The following RANBP2 variants were observed in gnomAD, a reference collection of about 807,000 sequenced individuals.
RANBP2 encodes the protein E3 SUMO-protein ligase RanBP2.
A neutral mutation model predicts 303.6 loss-of-function variants in RANBP2; 57 were observed. The ratio of observed to expected loss-of-function variants is 0.19; its 90% CI spans 0.15 to 0.23. The LOEUF (loss-of-function observed/expected upper bound fraction) is 0.23, where lower values mean the gene tolerates loss of function less well. Ranked by LOEUF, RANBP2 falls within the 10% of genes least tolerant of loss-of-function variation. The pLI is 1.00. For missense variants in RANBP2, 3,138 were observed against 3,780.8 expected (o/e 0.83, Z 4.46); for synonymous variants, 1,167 against 1,301.5 (o/e 0.90, Z 2.23).
At chr2:109,452,960 TGGGAGGCTGGTCCCTGGGAGGCTATTCCC>T in the RANBP2 span, among the ~76,000 whole-genome samples, 1 of 144,912 alleles carries the variant, frequency 6.9e-6, no homozygotes, top group African/African-American at 2.6e-5. Flanking sequence ...GGCTGGTCCC[TGGGAGGCTGGTCCCTGGGAGGCTATTCCC>T]GGGAGGCTGG....
the RANBP2 span, among the ~76,000 whole-genome samples, chr2:108,969,506 T>C: frequency 1.3e-5 from 2 of 152,162 alleles, no homozygotes; most frequent in Non-Finnish European, 2.9e-5. Flanking sequence ...GAGGACTCAG[T>C]GAGGATGTTG....
the RANBP2 span, chr2:109,129,984 G>A: frequency 7.7e-7 from 1 of 1,300,268 alleles, no homozygotes. Context: ...CGGCCCCCAC[G>A]CTCGCGGGCG....
At chr2:108,926,781 G>A in the RANBP2 span, among the ~76,000 whole-genome samples, 5 of 152,228 alleles carry the variant, frequency 3.3e-5, no homozygotes, top group African/African-American at 1.2e-4. Flanking sequence ...CAAACCGCAG[G>A]CAGGGGCCTG....
At chr2:109,515,297 A>C in the RANBP2 span, among the ~76,000 whole-genome samples, 18 of 152,244 alleles carry the variant, frequency 1.2e-4, no homozygotes, top group Admixed American at 5.9e-4. Context: ...GTGTAAGTTG[A>C]GGAGGGAGGG....
chr2:109,400,413 C>T, the RANBP2 span, among the ~76,000 whole-genome samples: 2 of 152,154 alleles, frequency 1.3e-5, no homozygotes, highest in African/African-American at 2.4e-5. Context: ...TACACATATA[C>T]ACCTGTGCAC....
the RANBP2 span, among the ~76,000 whole-genome samples, chr2:109,341,189 A>G: frequency 1.3e-5 from 2 of 152,264 alleles, no homozygotes; most frequent in Admixed American, 1.3e-4. Context: ...GGACCCAACA[A>G]GCAGCTTTGA....
the RANBP2 span, among the ~76,000 whole-genome samples, chr2:109,712,903 G>A: frequency 1.3e-5 from 2 of 152,138 alleles, no homozygotes; most frequent in Admixed American, 6.5e-5. Flanking sequence ...TGTGCTGTGC[G>A]CCAGAGCGAG....
At chr2:109,478,713 G>C in the RANBP2 span, among the ~76,000 whole-genome samples, 1 of 152,170 alleles carries the variant, frequency 6.6e-6, no homozygotes, top group Non-Finnish European at 1.5e-5. Context: ...GGGAGAGTCT[G>C]AGCTCGTAGG....
the RANBP2 span, among the ~76,000 whole-genome samples, chr2:109,249,168 C>T: frequency 6.6e-6 from 1 of 152,182 alleles, no homozygotes; most frequent in Non-Finnish European, 1.5e-5. Context: ...AGGTGTGGGC[C>T]ACCACACCTG....
the RANBP2 span, among the ~76,000 whole-genome samples, chr2:109,526,270 G>A: frequency 6.6e-6 from 1 of 152,094 alleles, no homozygotes; most frequent in South Asian, 2.1e-4. Context: ...GTGGCCCTGG[G>A]CAAGGCACCA....
chr2:109,355,050 T>C, the RANBP2 span, among the ~76,000 whole-genome samples: 1 of 152,236 alleles, frequency 6.6e-6, no homozygotes, highest in South Asian at 2.1e-4. Context: ...TACAATCCTT[T>C]AGGACCACCC....
At chr2:108,846,412 C>T in the RANBP2 span, among the ~76,000 whole-genome samples, 1 of 151,920 alleles carries the variant, frequency 6.6e-6, no homozygotes, top group Non-Finnish European at 1.5e-5. Flanking sequence ...CACAGTGGCT[C>T]ATGATCCTGT....
chr2:108,920,415 G>T, the RANBP2 span, among the ~76,000 whole-genome samples: 1 of 152,212 alleles, frequency 6.6e-6, no homozygotes, highest in African/African-American at 2.4e-5. Flanking sequence ...TTAAATCACA[G>T]ATCCCTTTAT....
chr2:109,488,475 C>T, the RANBP2 span, among the ~76,000 whole-genome samples: 368 of 152,314 alleles, frequency 2.4e-3, 3 homozygotes, highest in Admixed American at 2.7e-3. Context: ...GGCTGACGGG[C>T]CCAGCTGCAG....
At chr2:109,219,507 T>C in the RANBP2 span, among the ~76,000 whole-genome samples, 1 of 151,912 alleles carries the variant, frequency 6.6e-6, no homozygotes, top group Non-Finnish European at 1.5e-5. Context: ...AAAAAAAAAG[T>C]AAAATTATCT....
chr2:108,966,341 A>C, the RANBP2 span, among the ~76,000 whole-genome samples: 7 of 152,256 alleles, frequency 4.6e-5, no homozygotes, highest in Admixed American at 2.6e-4. Flanking sequence ...GTTTAGATTT[A>C]CTATGCTGAG....
the RANBP2 span, among the ~76,000 whole-genome samples, chr2:109,140,770 A>G: frequency 6.6e-6 from 1 of 152,180 alleles, no homozygotes; most frequent in Non-Finnish European, 1.5e-5. Context: ...TAGCCAGTCT[A>G]TGCAATATGA....
the RANBP2 span, among the ~76,000 whole-genome samples, chr2:109,063,489 C>T: frequency 6.6e-6 from 1 of 152,146 alleles, no homozygotes; most frequent in Non-Finnish European, 1.5e-5. Context: ...GCAGCAGAGG[C>T]CCCCGCGTGG....
chr2:109,120,803 G>A, the RANBP2 span, among the ~76,000 whole-genome samples: 4 of 152,148 alleles, frequency 2.6e-5, no homozygotes, highest in Admixed American at 1.3e-4. Flanking sequence ...CCCAGGCAGC[G>A]GATACCTACT....
Sources: gnomAD v4.1 joint callset for allele counts (sites outside exome capture counted in the v4.1 genomes callset) on GRCh38, gnomAD v4.1.1 for gene constraint, MANE v1.5 for transcripts, NCBI Gene and HGNC (gene_info 2026-07-23, HGNC 2026-07-21) for gene names.